ITGAV: variants seen among roughly 807,000 people sequenced by gnomAD.
ITGAV encodes integrin alpha-V.
ITGAV carries 76 observed loss-of-function variants against 143.8 expected under a neutral mutation model. The ratio of observed to expected loss-of-function variants is 0.53; its 90% CI spans 0.44 to 0.64. ITGAV has a LOEUF of 0.64. Among genes scored for constraint, ITGAV ranks in the 30% least tolerant of loss-of-function variants. The pLI, the probability that ITGAV is intolerant of heterozygous loss-of-function variation, is 0.00. For synonymous variants in ITGAV, 453 were observed against 446.7 expected (o/e 1.01, Z -0.18); for missense variants, 1,193 against 1,274.7 (o/e 0.94, Z 0.98).
chr2:186,608,640 G>C (rs922115916), intron 2 of ITGAV, among the ~76,000 whole-genome samples: 1 of 151,586 alleles, frequency 6.6e-6, no homozygotes, highest in African/African-American at 2.4e-5. Flanking sequence ...TCTTACTGAT[G>C]TTATAGTATG....
intron 3 of ITGAV, among the ~76,000 whole-genome samples, chr2:186,624,092 C>T (rs1687608547): frequency 1.3e-5 from 2 of 152,158 alleles, no homozygotes; most frequent in Admixed American, 6.5e-5. Flanking sequence ...CCTCTCACTC[C>T]ATCTCACATA....
At chr2:186,667,847 TAA>T in intron 24 of ITGAV, 71 bp downstream of exon 24, 1 of 766,226 alleles carries the variant, frequency 1.3e-6, no homozygotes, top group Non-Finnish European at 2.0e-6. Context: ...TAAGCTACTT[TAA>T]AAAAAAAATT....
rs1442504123 is a variant in ITGAV at position 186,680,001 on chromosome 2, C to G, written c.*2709C>G. The G allele has an allele frequency of 6.6e-6, 1 of 151,898 alleles. No individual in the cohort carries two copies. Among genetic ancestry groups the G allele is most frequent in the Non-Finnish European group, 1.5e-5 (1 of 67,910 alleles). The allele number at this position is 151,898 out of a possible 1,614,324, so 9.4% of individuals were successfully genotyped here. ...AAGATTTTTGATAGTGAATCATGAC[C>G]CTAAGGGAGAGATTTGTGTGATAAA... is the stretch of plus-strand genomic sequence containing the variant. On this transcript the variant is annotated 3_prime_UTR_variant, in exon 30 of 30. Transcript: ENST00000261023.
intron 2 of ITGAV, among the ~76,000 whole-genome samples, chr2:186,606,577 T>G (rs769079097): frequency 1.3e-5 from 2 of 152,194 alleles, no homozygotes; most frequent in Non-Finnish European, 2.9e-5. Flanking sequence ...CTTCATTTGC[T>G]TCTGTATCCC....
chr2:186,649,100 A>C lies in ITGAV; in HGVS notation c.1352-740A>C, dbSNP rs183123105. Among the ~76,000 whole-genome samples the C allele has an allele frequency of 1.9e-4, 29 of 148,820 alleles. No individual in the cohort carries two copies. In the East Asian group the frequency reaches 5.0e-3, roughly 26 times the overall value. ...TTGTGTCTCTTTTTTCTTCTTTGCT[A>C]CTGGGATTGTATTTTGCTTTTCTTT... On this transcript the variant is annotated intron_variant, in intron 13 of 29. Transcript: ENST00000261023.
chr2:186,645,080 C>G (rs1688216941), intron 12 of ITGAV, among the ~76,000 whole-genome samples: 1 of 152,158 alleles, frequency 6.6e-6, no homozygotes, highest in Non-Finnish European at 1.5e-5. Context: ...TGTTCTATAG[C>G]TTACTTACTT....
rs777215187 is a variant in ITGAV at position 186,664,624 on chromosome 2, G to T, written c.2056G>T (p.Val686Phe). ...SIPLQADFIG[V>F]VRNNEALARL... is the part of the protein sequence containing the mutation. ...TCCACTGCAGGCTGATTTCATCGGG[G>T]TTGTCCGAAACAATGAAGTAAGCAG... The change falls in exon 20 of 30, where the codon GTT becomes TTT. Residue 686 changes from valine to phenylalanine, a missense_variant. Coordinates refer to ENST00000261023, the MANE Select transcript of ITGAV (RefSeq NM_002210.5). 3.1e-6 allele frequency: 5 copies of T among 1,614,048 alleles called. No homozygotes were observed. In the South Asian group the frequency reaches 4.4e-5, roughly 14 times the overall value.
At chr2:186,628,948 C>G (rs1687748035) in intron 4 of ITGAV, among the ~76,000 whole-genome samples, 1 of 152,006 alleles carries the variant, frequency 6.6e-6, no homozygotes, top group Admixed American at 6.6e-5. Context: ...CCTAATTTCC[C>G]TAAGCATCAG....
At position 186,640,959 on chromosome 2, in the gene ITGAV, T is replaced by C. The variant is rs144530237; in HGVS notation, c.948T>C (p.Asn316=). 1.9e-6 allele frequency: 3 copies of C among 1,595,302 alleles called. No individual in the cohort carries two copies. The highest frequency in any genetic ancestry group is 2.6e-6 in the Non-Finnish European group (3 of 1,167,760). Residue 316 remains asparagine (N), a synonymous_variant, in exon 11 of 30, where the codon AAT becomes AAC. Transcript: ENST00000261023. ...TTTCTGTAGCTGCCACTGACATTAA[T>C]GGAGATGAGTAAGTTTAAAAAAAAA... ...FGFSVAATDI[N]GDDYADVFIG...
chr2:186,607,598 T>C (rs1216248650), intron 2 of ITGAV, among the ~76,000 whole-genome samples: 2 of 152,186 alleles, frequency 1.3e-5, no homozygotes, highest in African/African-American at 2.4e-5. Flanking sequence ...AAAAATCTAT[T>C]GTTCTTTTTA....
chr2:186,633,960 G>A (rs994307366), intron 6 of ITGAV, among the ~76,000 whole-genome samples: 1 of 152,078 alleles, frequency 6.6e-6, no homozygotes, highest in African/African-American at 2.4e-5. Flanking sequence ...CCCAGGAGGA[G>A]GAAGTTGTAG....
rs79430084 is a variant in ITGAV, at chr2:186,606,959, G to A, written c.316+4808G>A. On this transcript the variant is annotated intron_variant, in intron 2 of 29. Transcript: ENST00000261023. ...TCCCTCCTTAAAGTTTCTGCTCTTC[G>A]TCTGCTTGAAATGATCACATCCTTT... Among the ~76,000 whole-genome samples, 1,251 of 151,906 alleles carry A rather than the reference G, an allele frequency of 8.2e-3. 20 individuals carry two copies. The highest frequency in any genetic ancestry group is 0.028 in the African/African-American group (1,169 of 41,426).
At chr2:186,615,570 T>A (rs1687330919) in intron 2 of ITGAV, among the ~76,000 whole-genome samples, 1 of 152,172 alleles carries the variant, frequency 6.6e-6, no homozygotes, top group Non-Finnish European at 1.5e-5. Context: ...ATGTTGAACA[T>A]CTTTTCTTGT....
chr2:186,602,241 AT>A, intron 2 of ITGAV, 90 bp downstream of exon 2: 1 of 1,002,818 alleles, frequency 1.0e-6, no homozygotes, highest in Non-Finnish European at 1.5e-6. Flanking sequence ...ATTTAATACA[AT>A]TATATAGATA....
intron 2 of ITGAV, among the ~76,000 whole-genome samples, chr2:186,613,361 C>T (rs1687269925): frequency 6.6e-6 from 1 of 152,124 alleles, no homozygotes; most frequent in Admixed American, 6.6e-5. Context: ...TCTTTATTCG[C>T]TGTGGTAGTA....
intron 10 of ITGAV, 21 bp downstream of exon 10, chr2:186,638,486 C>T (rs773576735): frequency 7.5e-6 from 12 of 1,590,942 alleles, no homozygotes; most frequent in East Asian, 4.5e-5. Flanking sequence ...AAAATATGAT[C>T]GTCCTCTCCC....
chr2:186,623,175 G>A (rs951959202), intron 3 of ITGAV, among the ~76,000 whole-genome samples: 3 of 152,180 alleles, frequency 2.0e-5, no homozygotes, highest in Non-Finnish European at 2.9e-5. Flanking sequence ...GGTAACCATC[G>A]TAGTTCTTTA....
intron 18 of ITGAV, 27 bp from the exon 19 acceptor site, chr2:186,663,741 G>A (rs1416613657): frequency 6.5e-6 from 10 of 1,550,044 alleles, no homozygotes; most frequent in Non-Finnish European, 8.9e-6. Flanking sequence ...TATTTTTCAT[G>A]TAGAAAAATA....
At chr2:186,613,819 C>G (rs909767186) in intron 2 of ITGAV, among the ~76,000 whole-genome samples, 3 of 152,028 alleles carry the variant, frequency 2.0e-5, no homozygotes, top group African/African-American at 7.2e-5. Context: ...TCATTAACCA[C>G]CAGTTTAGTC....
Sources: gnomAD v4.1 joint callset for allele counts (sites outside exome capture counted in the v4.1 genomes callset) on GRCh38, gnomAD v4.1.1 for gene constraint, MANE v1.5 for transcripts, NCBI Gene and HGNC (gene_info 2026-07-23, HGNC 2026-07-21) for gene names.